The following ATG5 variants were observed in gnomAD, a reference collection of about 807,000 sequenced individuals.
ATG5 encodes the protein autophagy protein 5.
Under a neutral mutation model 36.5 loss-of-function variants are expected in ATG5, and 14 were observed. The observed-to-expected ratio is 0.38, with a 90% CI of 0.25 to 0.60. The LOEUF is 0.60. Among genes scored for constraint, ATG5 ranks in the 20% least tolerant of loss-of-function variants. The pLI is 0.60. For synonymous variants in ATG5, 95 were observed against 101.5 expected, an observed-to-expected ratio of 0.94 and a Z score of 0.38; for missense variants, 195 against 326.7, an observed-to-expected ratio of 0.60 and a Z score of 3.11.
chr6:106,299,223 A>G (rs867581935), intron 3 of ATG5, among the ~76,000 whole-genome samples: 36 of 152,170 alleles, frequency 2.4e-4, no homozygotes, highest in Middle Eastern at 3.2e-3. Flanking sequence ...TTTGCATATA[A>G]CCTACACACA....
intron 7 of ATG5, among the ~76,000 whole-genome samples, chr6:106,196,032 C>A (rs1776170835): frequency 6.6e-6 from 1 of 152,078 alleles, no homozygotes. Context: ...AGTGTCAGTT[C>A]AAAGCACTTG....
chr6:106,257,147 C>T (rs941457046), intron 5 of ATG5, among the ~76,000 whole-genome samples: 1 of 152,160 alleles, frequency 6.6e-6, no homozygotes, highest in Admixed American at 6.5e-5. Flanking sequence ...ACCTCCACAT[C>T]TTGTCCCACT....
chr6:106,190,599 C>A (rs1775935475), intron 7 of ATG5, among the ~76,000 whole-genome samples: 1 of 152,018 alleles, frequency 6.6e-6, no homozygotes, highest in African/African-American at 2.4e-5. Context: ...GAGTACATCT[C>A]ATTATTTTGT....
intron 5 of ATG5, among the ~76,000 whole-genome samples, chr6:106,270,626 C>A (rs1389086088): frequency 6.6e-6 from 1 of 152,192 alleles, no homozygotes; most frequent in African/African-American, 2.4e-5. Context: ...AGATTCTAGT[C>A]TATTATGCAT....
At chr6:106,321,880 G>C (rs966884661) in intron 1 of ATG5, among the ~76,000 whole-genome samples, 2 of 152,110 alleles carry the variant, frequency 1.3e-5, no homozygotes, top group African/African-American at 4.8e-5. Flanking sequence ...AGTACAGTTA[G>C]CACATAGTAG....
Position 106,184,972 on chromosome 6 carries a change from C to A in ATG5, c.*1568G>T, listed in dbSNP as rs527643152. On this transcript the variant is annotated 3_prime_UTR_variant, in exon 8 of 8. Coordinates refer to ENST00000369076, the MANE Select transcript of ATG5 (RefSeq NM_004849.4). ...CAGTGGATTTTTTATCCTTACATAACTCAAATATTGCTATTTTTTTCCTGC... is the reference window on the plus strand; with the variant it reads ...CAGTGGATTTTTTATCCTTACATAAATCAAATATTGCTATTTTTTTCCTGC... 1 of 152,412 alleles carries A rather than the reference C, an allele frequency of 6.6e-6. No homozygotes were observed. The highest frequency in any genetic ancestry group is 6.5e-5 in the Admixed American group (1 of 15,284). 9.4% of individuals were successfully genotyped at this position (152,412 alleles called of 1,614,324 possible). A position where few individuals can be genotyped will look rare whatever the true frequency, so the allele number is the denominator to read the frequency against.
At chr6:106,277,719 C>CA (rs1024303299) in intron 5 of ATG5, among the ~76,000 whole-genome samples, 7 of 152,198 alleles carry the variant, frequency 4.6e-5, no homozygotes, top group African/African-American at 1.7e-4. Flanking sequence ...AAGGCTGAGA[C>CA]ATGATAATCG....
intron 3 of ATG5, among the ~76,000 whole-genome samples, chr6:106,297,003 G>C (rs977633713): frequency 1.3e-5 from 2 of 152,198 alleles, no homozygotes; most frequent in Admixed American, 1.3e-4. Context: ...CAGTACTCTA[G>C]ACTTTAATGA....
chr6:106,255,821 G>A (rs1302776531), intron 5 of ATG5, among the ~76,000 whole-genome samples: 2 of 152,110 alleles, frequency 1.3e-5, no homozygotes, highest in African/African-American at 4.8e-5. Flanking sequence ...TTGTCAAAAA[G>A]AGATTTACAG....
At chr6:106,205,632 A>G (rs745859061) in intron 6 of ATG5, among the ~76,000 whole-genome samples, 1 of 152,246 alleles carries the variant, frequency 6.6e-6, no homozygotes, top group Non-Finnish European at 1.5e-5. Flanking sequence ...ATTAAAAAAC[A>G]GAAATTCTTC....
At chr6:106,203,528 A>C (rs917907834) in intron 6 of ATG5, among the ~76,000 whole-genome samples, 10 of 152,354 alleles carry the variant, frequency 6.6e-5, no homozygotes, top group African/African-American at 2.2e-4. Context: ...TTTCACTTTA[A>C]GATGGTAAAT....
intron 5 of ATG5, among the ~76,000 whole-genome samples, chr6:106,263,205 T>C (rs1443623003): frequency 1.3e-5 from 2 of 152,200 alleles, no homozygotes; most frequent in East Asian, 1.9e-4. Flanking sequence ...AGTTTTCCTC[T>C]GACAGTGCTA....
chr6:106,213,135 G>A (rs906007196), intron 6 of ATG5, among the ~76,000 whole-genome samples: 1 of 152,110 alleles, frequency 6.6e-6, no homozygotes, highest in East Asian at 1.9e-4. Context: ...TGATCAGAAG[G>A]CAGGAATAAA....
chr6:106,208,318 T>C lies in ATG5; in HGVS notation c.574-6229A>G, dbSNP rs1319296618. Among the ~76,000 whole-genome samples, 3 of 143,678 alleles carry C rather than the reference T, an allele frequency of 2.1e-5. No homozygotes were observed. The Admixed American group carries it at 2.2e-4, about 10-fold the overall frequency. The allele number at this position is 143,678 out of a possible 152,430, so 94.3% of individuals were successfully genotyped here. Reference sequence around the variant, plus strand: ...ACCTACATTATAGTTTCTGAGATAATAAAATGCACAACACAATTCTGACAC... The same window carrying C: ...ACCTACATTATAGTTTCTGAGATAACAAAATGCACAACACAATTCTGACAC... On this transcript the variant is annotated intron_variant, in intron 6 of 7. Coordinates refer to ENST00000369076, the MANE Select transcript of ATG5 (RefSeq NM_004849.4).
In ATG5 at chr6:106,226,588, G is replaced by C. The variant is rs374885387; in HGVS notation, c.573+21562C>G. Among the ~76,000 whole-genome samples, 28 of 152,262 alleles carry C rather than the reference G, an allele frequency of 1.8e-4. No individual in the cohort carries two copies. In the East Asian group the frequency reaches 3.3e-3, roughly 18 times the overall value. ...AGGAAAGTATCAGAACAATATTTCT[G>C]ATCCTTCAGAAGAACCACTTTTTGT... On this transcript the variant is annotated intron_variant, in intron 6 of 7. Coordinates refer to ENST00000369076, the MANE Select transcript of ATG5 (RefSeq NM_004849.4).
chr6:106,268,454 G>A (rs1779311080), intron 5 of ATG5, among the ~76,000 whole-genome samples: 1 of 152,156 alleles, frequency 6.6e-6, no homozygotes, highest in Non-Finnish European at 1.5e-5. Flanking sequence ...TTCAACCATT[G>A]TGGAACAGTG....
At chr6:106,303,590 C>T (rs540429872) in intron 3 of ATG5, among the ~76,000 whole-genome samples, 1 of 152,064 alleles carries the variant, frequency 6.6e-6, no homozygotes, top group Non-Finnish European at 1.5e-5. Flanking sequence ...AATGCTAAAT[C>T]AGACAATAGA....
At chr6:106,249,379 C>T (rs568851867) in intron 5 of ATG5, among the ~76,000 whole-genome samples, 31 of 152,216 alleles carry the variant, frequency 2.0e-4, no homozygotes, top group African/African-American at 7.2e-4. Flanking sequence ...GGGTTTTTCG[C>T]TTGGCATAAT....
intron 3 of ATG5, among the ~76,000 whole-genome samples, chr6:106,295,731 T>C (rs1016093976): frequency 6.6e-6 from 1 of 152,078 alleles, no homozygotes; most frequent in African/African-American, 2.4e-5. Flanking sequence ...GCCCAGCTAA[T>C]TATTTTATTT....
Sources: gnomAD v4.1 joint callset for allele counts (sites outside exome capture counted in the v4.1 genomes callset) on GRCh38, gnomAD v4.1.1 for gene constraint, MANE v1.5 for transcripts, NCBI Gene and HGNC (gene_info 2026-07-23, HGNC 2026-07-21) for gene names.